FGF14: variants seen among roughly 807,000 people sequenced by gnomAD.
FGF14 encodes fibroblast growth factor homologous factor 4.
A neutral mutation model predicts 25.5 loss-of-function variants in FGF14; 5 were observed. That is an observed-to-expected ratio of 0.20 (90% CI 0.10 to 0.41). The LOEUF (loss-of-function observed/expected upper bound fraction) is 0.41, where lower values mean the gene tolerates loss of function less well. FGF14 is among the 10% of genes least tolerant of loss of function. The pLI, the probability that FGF14 is intolerant of heterozygous loss-of-function variation, is 1.00. For synonymous variants in FGF14, 138 were observed against 118.3 expected (o/e 1.17, Z -1.08); for missense variants, 222 against 320.1 (o/e 0.69, Z 2.34).
At chr13:102,042,523 C>A (rs1435093024) in intron 1 of FGF14, among the ~76,000 whole-genome samples, 1 of 151,098 alleles carries the variant, frequency 6.6e-6, no homozygotes, top group East Asian at 1.9e-4. Context: ...AGTAATATAT[C>A]CTCAGAACCT....
chr13:101,744,902 C>T (rs976105298), intron 3 of FGF14, among the ~76,000 whole-genome samples: 3 of 152,004 alleles, frequency 2.0e-5, no homozygotes, highest in Non-Finnish European at 4.4e-5. Context: ...TAAGTTGGAT[C>T]CCCTGCCCTC....
At chr13:102,078,046 A>T (rs2043443360) in intron 1 of FGF14, among the ~76,000 whole-genome samples, 1 of 152,170 alleles carries the variant, frequency 6.6e-6, no homozygotes, top group Non-Finnish European at 1.5e-5. Flanking sequence ...TAGAAAAACA[A>T]ATACTGCATG....
intron 1 of FGF14, among the ~76,000 whole-genome samples, chr13:101,899,248 T>C (rs2031191504): frequency 6.6e-6 from 1 of 152,132 alleles, no homozygotes; most frequent in African/African-American, 2.4e-5. Flanking sequence ...ATAGCTTCTA[T>C]AGTTTTCTTT....
intron 1 of FGF14, among the ~76,000 whole-genome samples, chr13:101,946,238 T>C (rs569654599): frequency 1.2e-4 from 18 of 151,998 alleles, no homozygotes; most frequent in Non-Finnish European, 2.1e-4. Context: ...AGCTGACTCT[T>C]CCAGGCAGTT....
intron 1 of FGF14, among the ~76,000 whole-genome samples, chr13:102,363,106 G>A (rs995175912): frequency 3.9e-5 from 6 of 152,084 alleles, no homozygotes; most frequent in African/African-American, 1.4e-4. Flanking sequence ...AAAATTCAAT[G>A]TTTTAAGCGA....
intron 1 of FGF14, among the ~76,000 whole-genome samples, chr13:102,205,984 T>TAAAAAAAAAAAAAAAAAAAAAAAAAAAAA (rs36108366): frequency 4.2e-5 from 2 of 47,462 alleles, no homozygotes; most frequent in Non-Finnish European, 4.0e-5. Context: ...CTCCCTGTGG[T>TAAAAAAAAAAAAAAAAAAAAAAAAAAAAA]AAAAAAAAAA....
intron 1 of FGF14, among the ~76,000 whole-genome samples, chr13:102,187,704 G>T (rs942082420): frequency 7.9e-5 from 12 of 152,106 alleles, no homozygotes; most frequent in African/African-American, 2.7e-4. Flanking sequence ...TTTGTTTTCA[G>T]TCTGAAAGCC....
At chr13:102,246,751 C>CATATAT (rs34759741) in intron 1 of FGF14, among the ~76,000 whole-genome samples, 141 of 148,176 alleles carry the variant, frequency 9.5e-4, no homozygotes, top group East Asian at 3.6e-3. Flanking sequence ...TTATATGGAA[C>CATATAT]ATATATATAT....
intron 3 of FGF14, among the ~76,000 whole-genome samples, chr13:101,808,204 A>T (rs2041306397): frequency 6.6e-6 from 1 of 152,092 alleles, no homozygotes; most frequent in South Asian, 2.1e-4. Context: ...TAATTAAAGA[A>T]GATAAACCCA....
chr13:101,976,304 A>G (rs1472801228), intron 1 of FGF14, among the ~76,000 whole-genome samples: 6 of 152,188 alleles, frequency 3.9e-5, no homozygotes, highest in East Asian at 1.9e-4. Flanking sequence ...TATAACAGTT[A>G]CACTTATTAA....
At chr13:102,163,744 G>A (rs921592776) in intron 1 of FGF14, among the ~76,000 whole-genome samples, 2 of 152,008 alleles carry the variant, frequency 1.3e-5, no homozygotes, top group African/African-American at 2.4e-5. Flanking sequence ...AAGATTCGCA[G>A]GGACCATGTT....
chr13:102,307,268 A>G (rs2138634558), intron 1 of FGF14, among the ~76,000 whole-genome samples: 1 of 152,168 alleles, frequency 6.6e-6, no homozygotes, highest in South Asian at 2.1e-4. Flanking sequence ...CTGTCTGAGA[A>G]CCTCCGGAAA....
intron 1 of FGF14, among the ~76,000 whole-genome samples, chr13:101,881,376 C>A (rs2045701342): frequency 6.6e-6 from 1 of 152,102 alleles, no homozygotes; most frequent in Non-Finnish European, 1.5e-5. Context: ...ATAAAATGGC[C>A]AAAATATCAA....
At chr13:102,031,523 G>C (rs2041208499) in intron 1 of FGF14, among the ~76,000 whole-genome samples, 1 of 151,976 alleles carries the variant, frequency 6.6e-6, no homozygotes, top group Non-Finnish European at 1.5e-5. Flanking sequence ...TAACAGTTTA[G>C]TTAAATTTGA....
chr13:102,109,720 A>G (rs573118383), intron 1 of FGF14, among the ~76,000 whole-genome samples: 2 of 152,248 alleles, frequency 1.3e-5, no homozygotes, highest in African/African-American at 4.8e-5. Context: ...CCCAGGTTCA[A>G]GAGGTTCTCC....
intron 3 of FGF14, among the ~76,000 whole-genome samples, chr13:101,799,648 T>C (rs1182041522): frequency 1.3e-5 from 2 of 152,146 alleles, no homozygotes; most frequent in Non-Finnish European, 2.9e-5. Flanking sequence ...TGTTTCTCAC[T>C]GTCTGGATTG....
chr13:102,176,861 G>T lies in FGF14; in HGVS notation c.208+224610C>A, dbSNP rs990882215. On this transcript the variant is annotated intron_variant, in intron 1 of 4. Transcript: ENST00000376131. ...TTAAATTGTAAACATTAAACGTGTG[G>T]TTTTTTTGTATGTCAATTACACTTT... Among the ~76,000 whole-genome samples the T allele has an allele frequency of 3.3e-5, 5 of 151,818 alleles. No individual in the cohort carries two copies. The East Asian group carries it at 5.8e-4, about 18-fold the overall frequency.
intron 1 of FGF14, among the ~76,000 whole-genome samples, chr13:102,161,621 A>G (rs1179179603): frequency 0.11 from 768 of 7,248 alleles, 25 homozygotes; most frequent in Non-Finnish European, 0.14. Flanking sequence ...AAGAAGAAGA[A>G]GAAGAAGAAG....
At chr13:102,103,244 GAAGA>G (rs2044744008) in intron 1 of FGF14, among the ~76,000 whole-genome samples, 1 of 152,068 alleles carries the variant, frequency 6.6e-6, no homozygotes, top group Admixed American at 6.5e-5. Context: ...AGCTGCCCAG[GAAGA>G]AAGAGAAAGT....
Sources: allele counts gnomAD v4.1 joint callset (sites outside exome capture counted in the v4.1 genomes callset), GRCh38; gene constraint gnomAD v4.1.1; transcripts MANE v1.5; gene names NCBI Gene and HGNC (gene_info 2026-07-23, HGNC 2026-07-21).